The following GALNT9 variants were observed in gnomAD, a reference collection of about 807,000 sequenced individuals.
GALNT9 encodes the protein polypeptide N-acetylgalactosaminyltransferase 9, also known as GalNAc transferase 9.
A neutral mutation model predicts 63.1 loss-of-function variants in GALNT9; 47 were observed. The observed-to-expected ratio is 0.75, with a 90% CI of 0.59 to 0.95. The LOEUF (loss-of-function observed/expected upper bound fraction) is 0.95. Among genes scored for constraint, GALNT9 ranks in the 40% least tolerant of loss-of-function variants. The pLI, the probability that GALNT9 is intolerant of heterozygous loss-of-function variation, is 0.00. For synonymous variants in GALNT9, 396 were observed against 365.7 expected (o/e 1.08, Z -0.94); for missense variants, 829 against 874.8 (o/e 0.95, Z 0.66).
intron 6 of GALNT9, among the ~76,000 whole-genome samples, chr12:132,226,244 TAC>T (rs1877682951): frequency 8.5e-6 from 1 of 118,012 alleles, no homozygotes; most frequent in Non-Finnish European, 1.7e-5. Flanking sequence ...ACACAACATA[TAC>T]ACACACCCCA....
Position 132,310,943 on chromosome 12 carries a change from C to T in GALNT9, c.238+18023G>A, listed in dbSNP as rs1349377688. ...CCCTGGGCACACGGTTCAGGGCACCCGCTCTCCCTGGGCATGTGGCGCTGG... is the reference window on the plus strand; with the variant it reads ...CCCTGGGCACACGGTTCAGGGCACCTGCTCTCCCTGGGCATGTGGCGCTGG... On this transcript the variant is annotated intron_variant, in intron 1 of 10. Transcript: ENST00000328957. The surrounding 1 kb of genome is among the most constrained non-coding windows in gnomAD (Gnocchi z 4.8). Among the ~76,000 whole-genome samples, 1 of 152,154 alleles carries T rather than the reference C, an allele frequency of 6.6e-6. No individual in the cohort carries two copies. Among genetic ancestry groups the T allele is most frequent in the Admixed American group, 6.5e-5 (1 of 15,278 alleles).
At position 132,265,212 on chromosome 12, in the gene GALNT9, G is replaced by A. The variant is rs1204527535; in HGVS notation, c.420-2587C>T. ...ATGAGGAAGGCAAGTCGCTCACCCC[G>A]AAGTTCAGCCCCCAGCCTTGTCCTC... On this transcript the variant is annotated intron_variant, in intron 2 of 10. Transcript: ENST00000328957. The surrounding 1 kb of genome is among the most constrained non-coding windows in gnomAD (Gnocchi z 5.3). 6.6e-6 allele frequency among the ~76,000 whole-genome samples: 1 copy of A among 152,078 alleles called. No individual in the cohort carries two copies.
chr12:132,213,751 G>A (rs2135515453), intron 6 of GALNT9, among the ~76,000 whole-genome samples: 1 of 152,374 alleles, frequency 6.6e-6, no homozygotes, highest in South Asian at 2.1e-4. Context: ...TGTGGCCTCT[G>A]CATTCTCCAG....
intron 6 of GALNT9, among the ~76,000 whole-genome samples, chr12:132,211,501 G>A (rs919951062): frequency 2.0e-5 from 3 of 152,030 alleles, no homozygotes; most frequent in Non-Finnish European, 4.4e-5. Context: ...GTGTCTATTC[G>A]GTCAAACCAC....
chr12:132,293,940 C>T (rs1165288403), intron 1 of GALNT9, among the ~76,000 whole-genome samples: 5 of 152,234 alleles, frequency 3.3e-5, no homozygotes, highest in African/African-American at 1.2e-4. Context: ...GGAGCTGGAA[C>T]GAGAAGTGGA....
chr12:132,293,258 T>C (rs1880928387), intron 1 of GALNT9, among the ~76,000 whole-genome samples: 1 of 152,192 alleles, frequency 6.6e-6, no homozygotes, highest in African/African-American at 2.4e-5. Context: ...TTCTTGTCAT[T>C]TGCAGTGGTT....
At chr12:132,289,407 G>A (rs1880725220) in intron 1 of GALNT9, among the ~76,000 whole-genome samples, 1 of 152,216 alleles carries the variant, frequency 6.6e-6, no homozygotes, top group Admixed American at 6.5e-5. Context: ...CCCCTGCCTT[G>A]CATGAATGGC....
intron 9 of GALNT9, among the ~76,000 whole-genome samples, chr12:132,198,582 G>GGTAA (rs1875739082): frequency 1.3e-5 from 2 of 152,156 alleles, no homozygotes; most frequent in Admixed American, 1.3e-4. Flanking sequence ...AGTCCTGAGC[G>GGTAA]GTAAGTGCTG....
intron 5 of GALNT9, among the ~76,000 whole-genome samples, chr12:132,256,711 G>A (rs1879134008): frequency 6.6e-6 from 1 of 151,504 alleles, no homozygotes; most frequent in African/African-American, 2.4e-5. Context: ...AGTGGGTTTC[G>A]GGCCTTCAGA....
At position 132,257,773 on chromosome 12, in the gene GALNT9, T is replaced by C. The variant is rs2135541608; in HGVS notation, c.875A>G (p.His292Arg). 1 of 1,550,464 alleles carries C rather than the reference T, an allele frequency of 6.4e-7. No individual in the cohort carries two copies. The highest frequency in any genetic ancestry group is 1.4e-5 in the African/African-American group (1 of 73,156). Reference protein sequence around the residue: ...FEVQQYANAAHGYNWGLWCMY... With the variant: ...FEVQQYANAARGYNWGLWCMY... Reference sequence around the variant, plus strand: ...GCACCAGAGGCCCCAGTTGTAGCCATGGGCGGCGTTCGCATACTGCTGCAC... The same window carrying C: ...GCACCAGAGGCCCCAGTTGTAGCCACGGGCGGCGTTCGCATACTGCTGCAC... Residue 292 changes from histidine (H) to arginine (R), a missense_variant, in exon 5 of 11, where the codon CAT (histidine) becomes CGT (arginine). By Grantham distance (29) the His-to-Arg change is conservative. Coordinates refer to ENST00000328957, the MANE Select transcript of GALNT9 (RefSeq NM_001122636.2).
At chr12:132,256,221 G>A (rs1879104107) in intron 5 of GALNT9, among the ~76,000 whole-genome samples, 1 of 152,044 alleles carries the variant, frequency 6.6e-6, no homozygotes, top group Non-Finnish European at 1.5e-5. Flanking sequence ...TTCCCTGTGA[G>A]CCCCGACCCT....
chr12:132,316,519 G>A lies in GALNT9; in HGVS notation c.238+12447C>T, dbSNP rs1274598376. Among the ~76,000 whole-genome samples, 2 of 152,080 alleles carry A rather than the reference G, an allele frequency of 1.3e-5. No homozygotes were observed. Among genetic ancestry groups the A allele is most frequent in the Non-Finnish European group, 2.9e-5 (2 of 68,002 alleles). On this transcript the variant is annotated intron_variant, in intron 1 of 10. Transcript: ENST00000328957. The surrounding 1 kb of genome is among the most constrained non-coding windows in gnomAD (Gnocchi z 4.3). ...GGGAAACGGAGAATCAGGAGCACCC[G>A]AGCTTCCCACCCTAACCACCTGTGC...
intron 1 of GALNT9, among the ~76,000 whole-genome samples, chr12:132,300,126 C>T (rs1881236629): frequency 6.7e-6 from 1 of 150,202 alleles, no homozygotes; most frequent in South Asian, 2.1e-4. Context: ...ACTCCCACCA[C>T]ACCTAACCCA....
At chr12:132,204,177 A>G (rs1056175210) in intron 6 of GALNT9, among the ~76,000 whole-genome samples, 1 of 152,218 alleles carries the variant, frequency 6.6e-6, no homozygotes, top group Non-Finnish European at 1.5e-5. Context: ...TCCCCAGCTA[A>G]TAAAACCCCG....
At chr12:132,263,148 G>A (rs1879468936) in intron 2 of GALNT9, among the ~76,000 whole-genome samples, 1 of 152,186 alleles carries the variant, frequency 6.6e-6, no homozygotes, top group South Asian at 2.1e-4. Context: ...CACAGCCAAG[G>A]AGCCAGCCAC....
At chr12:132,227,399 G>A (rs1251748857) in intron 6 of GALNT9, among the ~76,000 whole-genome samples, 2 of 152,056 alleles carry the variant, frequency 1.3e-5, no homozygotes, top group Non-Finnish European at 2.9e-5. Context: ...AGCTCCCTCC[G>A]AAGCGTGTGC....
At chr12:132,270,999 A>G (rs942727178) in intron 2 of GALNT9, among the ~76,000 whole-genome samples, 22 of 152,016 alleles carry the variant, frequency 1.4e-4, no homozygotes, top group Admixed American at 4.6e-4. Context: ...AGAACGAGAC[A>G]ACAGCAGCAC....
At chr12:132,322,288 T>C (rs2135592344) in intron 1 of GALNT9, among the ~76,000 whole-genome samples, 1 of 152,320 alleles carries the variant, frequency 6.6e-6, no homozygotes, top group East Asian at 1.9e-4. Context: ...ACTCCCCGTC[T>C]TCCTCCCTGG....
At chr12:132,317,843 G>T (rs1868593976) in intron 1 of GALNT9, among the ~76,000 whole-genome samples, 1 of 152,230 alleles carries the variant, frequency 6.6e-6, no homozygotes, top group African/African-American at 2.4e-5. Context: ...GCCTCAGGAA[G>T]ATCCACGGTC....
Sources: allele counts gnomAD v4.1 joint callset (sites outside exome capture counted in the v4.1 genomes callset), GRCh38; gene constraint gnomAD v4.1.1; non-coding constraint Gnocchi (gnomAD v3.1); transcripts MANE v1.5; gene names NCBI Gene and HGNC (gene_info 2026-07-23, HGNC 2026-07-21).